The following ASTN1 variants were observed in gnomAD, a reference collection of about 807,000 sequenced individuals.
The protein encoded by ASTN1 is astrotactin-1.
A neutral mutation model predicts 140.7 loss-of-function variants in ASTN1; 41 were observed. The observed-to-expected ratio is 0.29, with a 90% CI of 0.23 to 0.38. The LOEUF (loss-of-function observed/expected upper bound fraction) is 0.38, where lower values mean the gene tolerates loss of function less well. Ranked by LOEUF, ASTN1 falls within the 10% of genes least tolerant of loss-of-function variation. The pLI is 1.00. For synonymous variants in ASTN1, 640 were observed against 652.2 expected (o/e 0.98, Z 0.29); for missense variants, 1,479 against 1,678.8 (o/e 0.88, Z 2.08).
chr1:177,110,999 T>C (rs1680799630), intron 1 of ASTN1, among the ~76,000 whole-genome samples: 1 of 152,168 alleles, frequency 6.6e-6, no homozygotes, highest in African/African-American at 2.4e-5. Flanking sequence ...CAAAGTGAAA[T>C]TCTATGTAAC....
At position 177,047,262 on chromosome 1, in the gene ASTN1, G is replaced by A. The variant is rs868548173; in HGVS notation, c.471+13816C>T. On this transcript the variant is annotated intron_variant, in intron 2 of 22. Transcript: ENST00000361833. ...TGAATTTTAAAAAGAGTAGAAAGAG[G>A]TGGCCTCACTCAGAGGAGAGGAAAG... 5.3e-5 allele frequency among the ~76,000 whole-genome samples: 8 copies of A among 152,318 alleles called. No homozygotes were observed. The East Asian group carries it at 1.5e-3, about 29-fold the overall frequency.
chr1:176,930,951 T>C (rs1671182082), intron 16 of ASTN1, among the ~76,000 whole-genome samples: 1 of 151,802 alleles, frequency 6.6e-6, no homozygotes, highest in Non-Finnish European at 1.5e-5. Context: ...TTGTGAAGAT[T>C]AAAATGGAGG....
At chr1:177,071,183 C>T (rs939110780) in intron 1 of ASTN1, among the ~76,000 whole-genome samples, 4 of 152,244 alleles carry the variant, frequency 2.6e-5, no homozygotes, top group African/African-American at 7.2e-5. Flanking sequence ...TAAAACTCCA[C>T]GTACACTATT....
chr1:177,101,620 G>A (rs1407898136), intron 1 of ASTN1, among the ~76,000 whole-genome samples: 3 of 152,118 alleles, frequency 2.0e-5, no homozygotes, highest in Non-Finnish European at 4.4e-5. Context: ...AAGGATTCCA[G>A]GTACATAGGC....
At chr1:176,941,013 A>G (rs1671692042) in intron 14 of ASTN1, among the ~76,000 whole-genome samples, 1 of 152,232 alleles carries the variant, frequency 6.6e-6, no homozygotes, top group Non-Finnish European at 1.5e-5. Flanking sequence ...CTGACTTTTC[A>G]TAAGAAAAAC....
intron 21 of ASTN1, among the ~76,000 whole-genome samples, chr1:176,869,510 G>T (rs1668255184): frequency 1.3e-5 from 2 of 152,150 alleles, no homozygotes; most frequent in Admixed American, 1.3e-4. Context: ...AGAGAAGCAG[G>T]AGCGAAGATA....
At chr1:176,931,257 G>A (rs1177507668) in intron 16 of ASTN1, among the ~76,000 whole-genome samples, 5 of 151,980 alleles carry the variant, frequency 3.3e-5, no homozygotes, top group South Asian at 2.1e-4. Flanking sequence ...ACCTGAGGTC[G>A]GGAGTTCGAG....
At chr1:177,004,486 A>C (rs1482864783) in intron 8 of ASTN1, among the ~76,000 whole-genome samples, 1 of 151,976 alleles carries the variant, frequency 6.6e-6, no homozygotes, top group Non-Finnish European at 1.5e-5. Context: ...ATTCATATGG[A>C]ACAACAACAA....
intron 8 of ASTN1, among the ~76,000 whole-genome samples, chr1:176,968,315 A>T (rs1016807792): frequency 2.0e-5 from 3 of 152,268 alleles, no homozygotes; most frequent in African/African-American, 4.8e-5. Flanking sequence ...TAAATACTAT[A>T]AGGAGTGTTT....
intron 21 of ASTN1, among the ~76,000 whole-genome samples, chr1:176,874,299 T>C (rs1452643759): frequency 6.6e-6 from 1 of 152,192 alleles, no homozygotes; most frequent in African/African-American, 2.4e-5. Context: ...TCGAAAGTCA[T>C]TCAGTCTATA....
At chr1:177,161,721 A>C (rs1647382938) in intron 1 of ASTN1, among the ~76,000 whole-genome samples, 1 of 152,158 alleles carries the variant, frequency 6.6e-6, no homozygotes, top group African/African-American at 2.4e-5. Flanking sequence ...TAGAGGCAAA[A>C]GGAAGCCAAA....
chr1:176,884,247 A>T, intron 19 of ASTN1, 92 bp downstream of exon 19: 1 of 1,442,502 alleles, frequency 6.9e-7, no homozygotes, highest in Non-Finnish European at 9.5e-7. Context: ...GATACTGGGG[A>T]CCTGGAGCAA....
intron 1 of ASTN1, among the ~76,000 whole-genome samples, chr1:177,148,303 A>G (rs965078590): frequency 7.9e-5 from 12 of 152,018 alleles, no homozygotes; most frequent in Non-Finnish European, 1.3e-4. Context: ...CTGTAGTCCC[A>G]GCTACTCAGG....
At position 176,863,146 on chromosome 1, in the gene ASTN1, C is replaced by G. The variant is rs1358974986; in HGVS notation, c.*1138G>C. The G allele has an allele frequency of 1.0e-6, 1 of 985,786 alleles. No homozygotes were observed. The highest frequency in any genetic ancestry group is 1.2e-6 in the Non-Finnish European group (1 of 829,946). The allele number at this position is 985,786 out of a possible 1,614,324, so 61.1% of individuals were successfully genotyped here. ...CAGTGGTGCTTCCCTACACAGAATCCCTGTGACTGGATGGGCAGTGACCAT... is the reference window on the plus strand; with the variant it reads ...CAGTGGTGCTTCCCTACACAGAATCGCTGTGACTGGATGGGCAGTGACCAT... On this transcript the variant is annotated 3_prime_UTR_variant, in exon 23 of 23. Transcript: ENST00000361833.
intron 2 of ASTN1, among the ~76,000 whole-genome samples, chr1:177,049,136 G>C (rs1677400973): frequency 6.6e-6 from 1 of 152,182 alleles, no homozygotes; most frequent in African/African-American, 2.4e-5. Context: ...GGGATTGCTA[G>C]TGTCCCATAT....
chr1:177,031,652 C>T (rs1412079508), intron 3 of ASTN1, among the ~76,000 whole-genome samples: 3 of 152,198 alleles, frequency 2.0e-5, no homozygotes, highest in African/African-American at 7.2e-5. Flanking sequence ...TCAAGCCCCA[C>T]TGAAAGTCTA....
At chr1:176,908,279 A>G (rs1670086140) in intron 16 of ASTN1, among the ~76,000 whole-genome samples, 1 of 152,166 alleles carries the variant, frequency 6.6e-6, no homozygotes, top group South Asian at 2.1e-4. Flanking sequence ...TGCTCAGCCA[A>G]TGTGCCAGCA....
intron 8 of ASTN1, among the ~76,000 whole-genome samples, chr1:177,003,351 A>G (rs1674832732): frequency 6.6e-6 from 1 of 152,198 alleles, no homozygotes; most frequent in African/African-American, 2.4e-5. Flanking sequence ...GCAAGTCAAT[A>G]AATGTGATTC....
intron 8 of ASTN1, among the ~76,000 whole-genome samples, chr1:177,003,014 C>G (rs1674811121): frequency 6.6e-6 from 1 of 151,644 alleles, no homozygotes; most frequent in South Asian, 2.1e-4. Context: ...AAAAAAAGCC[C>G]AGGGGCAGAT....
Sources: allele counts gnomAD v4.1 joint callset (sites outside exome capture counted in the v4.1 genomes callset), GRCh38; gene constraint gnomAD v4.1.1; transcripts MANE v1.5; gene names NCBI Gene and HGNC (gene_info 2026-07-23, HGNC 2026-07-21).